The following POU2F1 variants were observed in gnomAD, a reference collection of about 807,000 sequenced individuals.
POU2F1 encodes POU class 2 homeobox 1.
Under a neutral mutation model 84.9 loss-of-function variants are expected in POU2F1, and 16 were observed. The ratio of observed to expected loss-of-function variants is 0.19; its 90% CI spans 0.13 to 0.29. The LOEUF (loss-of-function observed/expected upper bound fraction) is 0.29, where lower values mean the gene tolerates loss of function less well. Ranked by LOEUF, POU2F1 falls within the 10% of genes least tolerant of loss-of-function variation. POU2F1 has a pLI of 1.00. For missense variants in POU2F1, 738 were observed against 942.6 expected (o/e 0.78, Z 2.84); for synonymous variants, 368 against 368.3 (o/e 1.00, Z 0.01).
chr1:167,280,807 A>G (rs1172847063), intron 1 of POU2F1, among the ~76,000 whole-genome samples: 2 of 152,200 alleles, frequency 1.3e-5, no homozygotes, highest in East Asian at 1.9e-4. Context: ...GTGCTAAAGT[A>G]TCAGCTTAGA....
At chr1:167,306,192 AAGTTTTCAG>A (rs1655051969) in intron 1 of POU2F1, among the ~76,000 whole-genome samples, 2 of 152,126 alleles carry the variant, frequency 1.3e-5, no homozygotes, top group Non-Finnish European at 1.5e-5. Context: ...CTTCTTTTTT[AAGTTTTCAG>A]AAGACAACAT....
At chr1:167,335,675 GTAA>G (rs1269280578) in intron 2 of POU2F1, among the ~76,000 whole-genome samples, 1 of 152,194 alleles carries the variant, frequency 6.6e-6, no homozygotes, top group Admixed American at 6.5e-5. Context: ...AGGGATAATA[GTAA>G]TAATAATGGC....
Position 167,415,495 on chromosome 1 carries a change from T to C in POU2F1, c.1991-5T>C, listed in dbSNP as rs374900998. 22 of 1,613,448 alleles carry C rather than the reference T, an allele frequency of 1.4e-5. No individual in the cohort carries two copies. The highest frequency in any genetic ancestry group is 1.1e-4 in the South Asian group (10 of 91,032). On this transcript the variant is annotated splice_region_variant and splice_polypyrimidine_tract_variant and intron_variant, in intron 15 of 15. Transcript: ENST00000367866. The stretch of plus-strand genomic sequence containing the variant: ...CTGCCTGTTTTGGGGGGTTTTTGTC[T>C]GTAGCTCTTGCTTCTGGTGGCTCTC...
intron 13 of POU2F1, among the ~76,000 whole-genome samples, chr1:167,402,125 A>C (rs1307456465): frequency 6.6e-6 from 1 of 152,146 alleles, no homozygotes; most frequent in Non-Finnish European, 1.5e-5. Flanking sequence ...TATAAAATGA[A>C]TGTTTTTTTT....
intron 13 of POU2F1, among the ~76,000 whole-genome samples, chr1:167,404,860 C>T (rs530139120): frequency 1.3e-5 from 2 of 152,278 alleles, no homozygotes; most frequent in East Asian, 3.9e-4. Flanking sequence ...GCAAATCTGT[C>T]TAAATCTCAA....
chr1:167,232,075 T>C (rs1372348070), intron 1 of POU2F1, among the ~76,000 whole-genome samples: 1 of 152,168 alleles, frequency 6.6e-6, no homozygotes, highest in Admixed American at 6.5e-5. Context: ...AACCCGAGTA[T>C]GTGAAAAGTG....
chr1:167,341,456 C>G (rs1397133761), intron 2 of POU2F1, among the ~76,000 whole-genome samples: 2 of 152,152 alleles, frequency 1.3e-5, no homozygotes, highest in Admixed American at 6.6e-5. Context: ...CTTCCCTATC[C>G]TGTCCTTTTT....
intron 1 of POU2F1, among the ~76,000 whole-genome samples, chr1:167,313,550 G>T (rs910015767): frequency 2.0e-5 from 3 of 151,854 alleles, no homozygotes; most frequent in African/African-American, 7.3e-5. Flanking sequence ...TGTGACTAAG[G>T]TACAAAAACA....
At chr1:167,242,652 G>A (rs770469650) in intron 1 of POU2F1, among the ~76,000 whole-genome samples, 1 of 152,134 alleles carries the variant, frequency 6.6e-6, no homozygotes, top group African/African-American at 2.4e-5. Context: ...AAATTAGCCC[G>A]AATCAGGAGT....
intron 1 of POU2F1, among the ~76,000 whole-genome samples, chr1:167,230,580 C>T (rs1190303164): frequency 6.6e-6 from 1 of 152,054 alleles, no homozygotes; most frequent in Non-Finnish European, 1.5e-5. Flanking sequence ...AAACTTTTGT[C>T]CTTATTTATC....
At position 167,315,053 on chromosome 1, in the gene POU2F1, A is replaced by G. The variant is rs573174186; in HGVS notation, c.62-17417A>G. On this transcript the variant is annotated intron_variant, in intron 1 of 15. Transcript: ENST00000367866. ...ATATGGCATGCCTGCTCCTGCCTTC[A>G]CTTTCTACCATGATTGTAAGCCTCC... 2.6e-5 allele frequency among the ~76,000 whole-genome samples: 4 copies of G among 152,136 alleles called. No homozygotes were observed. The South Asian group carries it at 6.2e-4, about 24-fold the overall frequency.
At chr1:167,244,552 G>A (rs1350848117) in intron 1 of POU2F1, among the ~76,000 whole-genome samples, 2 of 152,202 alleles carry the variant, frequency 1.3e-5, no homozygotes, top group Admixed American at 1.3e-4. Flanking sequence ...AATTGCAGAA[G>A]TGACATCTCA....
intron 1 of POU2F1, among the ~76,000 whole-genome samples, chr1:167,230,359 C>T (rs955416856): frequency 1.3e-5 from 2 of 152,066 alleles, no homozygotes; most frequent in African/African-American, 4.8e-5. Context: ...GGACAAGTTA[C>T]TTCACCATGG....
chr1:167,418,866 T>C lies in POU2F1; in HGVS notation c.*3056T>C, dbSNP rs1023526189. On this transcript the variant is annotated 3_prime_UTR_variant, in exon 16 of 16. Coordinates refer to ENST00000367866, the MANE Select transcript of POU2F1 (RefSeq NM_002697.4). ...AGGGTAGACCAGCATAAAAAATCTG[T>C]TTAAAAGAAGAAATAATCTTTAGGA... 1 of 152,188 alleles carries C rather than the reference T, an allele frequency of 6.6e-6. No homozygotes were observed. Among genetic ancestry groups the C allele is most frequent in the African/African-American group, 2.4e-5 (1 of 41,442 alleles). The allele number at this position is 152,188 out of a possible 1,614,324, so 9.4% of individuals were successfully genotyped here.
chr1:167,238,707 T>C (rs1390947948), intron 1 of POU2F1, among the ~76,000 whole-genome samples: 1 of 152,256 alleles, frequency 6.6e-6, no homozygotes, highest in African/African-American at 2.4e-5. Flanking sequence ...GCATATTCTT[T>C]AGGCAATCTT....
chr1:167,389,115 C>T (rs936154800), intron 8 of POU2F1, among the ~76,000 whole-genome samples: 1 of 152,094 alleles, frequency 6.6e-6, no homozygotes, highest in East Asian at 1.9e-4. Context: ...GTTTACTTTT[C>T]CCCCTTAATG....
chr1:167,342,244 A>G (rs1234919617), intron 2 of POU2F1, among the ~76,000 whole-genome samples: 1 of 152,108 alleles, frequency 6.6e-6, no homozygotes, highest in African/African-American at 2.4e-5. Context: ...TATCAAAATG[A>G]TTTTTCCCCA....
chr1:167,392,366 AAAAG>A (rs1175280594), intron 9 of POU2F1, among the ~76,000 whole-genome samples: 18 of 151,996 alleles, frequency 1.2e-4, no homozygotes, highest in East Asian at 3.9e-4. Flanking sequence ...AAAAAAAAAA[AAAAG>A]AAAGAAAGAA....
At chr1:167,263,409 A>C (rs985255837) in intron 1 of POU2F1, among the ~76,000 whole-genome samples, 4 of 151,862 alleles carry the variant, frequency 2.6e-5, no homozygotes, top group Non-Finnish European at 5.9e-5. Flanking sequence ...AATCCCAGCT[A>C]CTCAGGGGGT....
Sources: allele counts gnomAD v4.1 joint callset (sites outside exome capture counted in the v4.1 genomes callset), GRCh38; gene constraint gnomAD v4.1.1; transcripts MANE v1.5; gene names NCBI Gene and HGNC (gene_info 2026-07-23, HGNC 2026-07-21).